Variants in STK33 observed in about 807,000 individuals in gnomAD.
The protein encoded by STK33 is serine/threonine kinase 33, also known as serine/threonine-protein kinase 33.
In STK33, 52 loss-of-function variants were observed where a neutral mutation model predicts 58.0. The observed-to-expected ratio is 0.90, with a 90% CI of 0.72 to 1.13. The LOEUF is 1.13. STK33 is among the 50% of genes most tolerant of loss of function. The pLI, the probability that STK33 is intolerant of heterozygous loss-of-function variation, is 0.00. For missense variants in STK33, 630 were observed against 604.2 expected (o/e 1.04, Z -0.45); for synonymous variants, 215 against 200.1 (o/e 1.07, Z -0.63).
intron 1 of STK33, among the ~76,000 whole-genome samples, chr11:8,489,029 G>C (rs1024103521): frequency 1.3e-5 from 2 of 151,978 alleles, no homozygotes; most frequent in African/African-American, 4.8e-5. Context: ...GAAGCTGAGG[G>C]GGAAGAACTG....
intron 8 of STK33, among the ~76,000 whole-genome samples, chr11:8,461,137 A>G (rs1947469284): frequency 6.6e-6 from 1 of 152,230 alleles, no homozygotes; most frequent in African/African-American, 2.4e-5. Context: ...ATAACTAAGA[A>G]GTGGTGGAGC....
chr11:8,429,680 C>T (rs1943183757), intron 14 of STK33, among the ~76,000 whole-genome samples: 1 of 152,094 alleles, frequency 6.6e-6, no homozygotes, highest in African/African-American at 2.4e-5. Flanking sequence ...GAAGTTCCGT[C>T]TGTCCTGGCA....
chr11:8,431,168 TTAACA>T (rs959455401), intron 14 of STK33, among the ~76,000 whole-genome samples: 17 of 152,078 alleles, frequency 1.1e-4, no homozygotes, highest in African/African-American at 4.1e-4. Flanking sequence ...CCCGGCCTCC[TTAACA>T]TAATTTTTAT....
chr11:8,454,790 T>C lies in STK33; in HGVS notation c.740A>G (p.Lys247Arg). 1.9e-6 allele frequency: 3 copies of C among 1,574,650 alleles called. No homozygotes were observed. The highest frequency in any genetic ancestry group is 2.6e-6 in the Non-Finnish European group (3 of 1,156,938). Residue 247 changes from lysine (K) to arginine (R), a missense_variant, in exon 10 of 16, where the codon AAA becomes AGA. Lys to Arg is a conservative substitution (Grantham distance 26, BLOSUM62 2). Transcript: ENST00000687296. ...RDLKLENIMV[K>R]SSLIDDNNEI... ...ATTGTTATCATCAATAAGACTGCTT[T>C]TAACCATTATATTTTCCAGTTTCAG...
At chr11:8,568,544 T>G (rs1957597265) in intron 1 of STK33, among the ~76,000 whole-genome samples, 1 of 152,172 alleles carries the variant, frequency 6.6e-6, no homozygotes, top group African/African-American at 2.4e-5. Context: ...GTGGTGCTAT[T>G]AAAGCATGTA....
At chr11:8,541,620 T>C (rs959539419) in intron 1 of STK33, among the ~76,000 whole-genome samples, 6 of 152,198 alleles carry the variant, frequency 3.9e-5, no homozygotes, top group African/African-American at 1.4e-4. Context: ...TATCACTATA[T>C]ATTTTGAAAT....
intron 1 of STK33, among the ~76,000 whole-genome samples, chr11:8,491,129 G>T (rs1014865761): frequency 2.6e-5 from 4 of 152,082 alleles, no homozygotes; most frequent in Non-Finnish European, 5.9e-5. Context: ...AGAAGGTCAG[G>T]AATAAGAAAC....
At chr11:8,502,604 C>T (rs941265820) in intron 1 of STK33, among the ~76,000 whole-genome samples, 2 of 151,970 alleles carry the variant, frequency 1.3e-5, no homozygotes, top group African/African-American at 4.8e-5. Context: ...CCAAAAGCAA[C>T]TGCAACAAAA....
chr11:8,372,997 C>T, the STK33 span, among the ~76,000 whole-genome samples: 3 of 152,200 alleles, frequency 2.0e-5, no homozygotes, highest in African/African-American at 7.2e-5. Context: ...GCATTTAGCG[C>T]TTTGGGCAGT....
intron 1 of STK33, among the ~76,000 whole-genome samples, chr11:8,541,622 T>C (rs997716422): frequency 6.6e-6 from 1 of 152,160 alleles, no homozygotes; most frequent in Non-Finnish European, 1.5e-5. Flanking sequence ...TCACTATATA[T>C]TTTGAAATTT....
chr11:8,449,046 T>C (rs1384537296), intron 11 of STK33, among the ~76,000 whole-genome samples: 1 of 151,742 alleles, frequency 6.6e-6, no homozygotes, highest in South Asian at 2.1e-4. Context: ...TCATCATCAC[T>C]GGCCATCAGA....
At chr11:8,521,985 T>C (rs1953492362) in intron 1 of STK33, among the ~76,000 whole-genome samples, 1 of 152,018 alleles carries the variant, frequency 6.6e-6, no homozygotes, top group South Asian at 2.1e-4. Flanking sequence ...CAACAGATAC[T>C]GGAGAGGATG....
intron 1 of STK33, among the ~76,000 whole-genome samples, chr11:8,512,729 C>A (rs1456029332): frequency 6.6e-6 from 1 of 152,162 alleles, no homozygotes; most frequent in African/African-American, 2.4e-5. Flanking sequence ...ACTCAGATTT[C>A]TTCTTGCACA....
chr11:8,394,233 AC>A (rs1848973094), intron 15 of STK33, among the ~76,000 whole-genome samples: 1 of 152,148 alleles, frequency 6.6e-6, no homozygotes, highest in Admixed American at 6.5e-5. Flanking sequence ...AGGATACAAC[AC>A]CCCTGATGTT....
At chr11:8,431,546 G>A (rs1165712741) in intron 14 of STK33, among the ~76,000 whole-genome samples, 1 of 152,030 alleles carries the variant, frequency 6.6e-6, no homozygotes, top group Non-Finnish European at 1.5e-5. Flanking sequence ...ACTTACTTGT[G>A]GTAAATTAAT....
At chr11:8,552,174 T>C (rs911307947) in intron 1 of STK33, among the ~76,000 whole-genome samples, 12 of 152,148 alleles carry the variant, frequency 7.9e-5, no homozygotes, top group African/African-American at 2.7e-4. Flanking sequence ...CTAGAAAAAT[T>C]CTCTGTGAGT....
intron 1 of STK33, among the ~76,000 whole-genome samples, chr11:8,496,303 C>A (rs796737756): frequency 3.3e-5 from 5 of 152,184 alleles, no homozygotes; most frequent in African/African-American, 1.2e-4. Flanking sequence ...AATTCTAATG[C>A]TGTGTATTGT....
chr11:8,407,167 T>C (rs775440924), intron 15 of STK33, among the ~76,000 whole-genome samples: 1 of 152,142 alleles, frequency 6.6e-6, no homozygotes, highest in Non-Finnish European at 1.5e-5. Flanking sequence ...TGGATGTTAA[T>C]CCAAACCTGC....
chr11:8,508,266 CTTTTTTTTTTTTT>C (rs34759366), intron 1 of STK33, among the ~76,000 whole-genome samples: 1 of 114,260 alleles, frequency 8.8e-6, no homozygotes, highest in South Asian at 3.1e-4. Context: ...ACCTTCTATT[CTTTTTTTTTTTTT>C]TTTTTTTGAG....
Sources: allele counts gnomAD v4.1 joint callset (sites outside exome capture counted in the v4.1 genomes callset), GRCh38; gene constraint gnomAD v4.1.1; transcripts MANE v1.5; gene names NCBI Gene and HGNC (gene_info 2026-07-23, HGNC 2026-07-21).